Variants in ETFA observed in about 807,000 individuals in gnomAD.
ETFA encodes electron transfer flavoprotein subunit alpha, also known as electron transfer flavoprotein subunit alpha, mitochondrial.
In ETFA, 22 loss-of-function variants were observed where a neutral mutation model predicts 46.2. That is an observed-to-expected ratio of 0.48 (90% CI 0.34 to 0.68). ETFA has a LOEUF of 0.68. Among genes scored for constraint, ETFA ranks in the 30% least tolerant of loss-of-function variants. The pLI, the probability that ETFA is intolerant of heterozygous loss-of-function variation, is 0.01. For missense variants in ETFA, 345 were observed against 401.1 expected, an observed-to-expected ratio of 0.86 and a Z score of 1.19; for synonymous variants, 131 against 139.9, an observed-to-expected ratio of 0.94 and a Z score of 0.45.
chr15:76,302,733 G>C lies in ETFA; in HGVS notation c.40-6996C>G, dbSNP rs143162110. Among the ~76,000 whole-genome samples, 22 of 152,316 alleles carry C rather than the reference G, an allele frequency of 1.4e-4. No homozygotes were observed. In the East Asian group the frequency reaches 3.9e-3, roughly 27 times the overall value. ...ATTGTAACAAATGGACAACTCTGGT[G>C]CTGTATGTTGACAGTGGAGGAGGTT... is the stretch of plus-strand genomic sequence containing the variant. On this transcript the variant is annotated intron_variant, in intron 1 of 11. Transcript: ENST00000557943.
At chr15:76,292,013 T>C (rs538845021) in intron 4 of ETFA, among the ~76,000 whole-genome samples, 2 of 152,258 alleles carry the variant, frequency 1.3e-5, no homozygotes, top group East Asian at 3.9e-4. Flanking sequence ...TAAGGATGTC[T>C]TCAACCACCA....
In ETFA at chr15:76,216,173, T is replaced by G. The variant is rs1228081056; in HGVS notation, c.*386A>C. ...TTGATTAGGCTGGTGGAGACAATCATGTTTACAATCTTCCTAAAACATAGA... is the reference window on the plus strand; with the variant it reads ...TTGATTAGGCTGGTGGAGACAATCAGGTTTACAATCTTCCTAAAACATAGA... On this transcript the variant is annotated 3_prime_UTR_variant, in exon 12 of 12. Coordinates refer to ENST00000557943, the MANE Select transcript of ETFA (RefSeq NM_000126.4). 5.3e-6 allele frequency: 1 copy of G among 189,902 alleles called. No individual in the cohort carries two copies. The highest frequency in any genetic ancestry group is 5.8e-5 in the Admixed American group (1 of 17,104). 11.8% of individuals were successfully genotyped at this position (189,902 alleles called of 1,614,324 possible).
intron 9 of ETFA, among the ~76,000 whole-genome samples, chr15:76,264,221 C>T (rs2039447791): frequency 6.6e-6 from 1 of 152,118 alleles, no homozygotes; most frequent in African/African-American, 2.4e-5. Flanking sequence ...AGGTTAATAC[C>T]ATATGATTGG....
intron 1 of ETFA, among the ~76,000 whole-genome samples, chr15:76,301,225 C>A (rs768060824): frequency 1.3e-5 from 2 of 152,210 alleles, no homozygotes; most frequent in East Asian, 3.9e-4. Flanking sequence ...TTTGCTAGCA[C>A]CAACATGGTA....
intron 1 of ETFA, among the ~76,000 whole-genome samples, chr15:76,309,177 C>T (rs765983296): frequency 7.9e-5 from 12 of 152,146 alleles, no homozygotes; most frequent in East Asian, 3.8e-4. Flanking sequence ...AGGCTGGGCG[C>T]GGTGGCTCAC....
At chr15:76,244,579 T>C (rs1340015020) in intron 9 of ETFA, among the ~76,000 whole-genome samples, 1 of 152,142 alleles carries the variant, frequency 6.6e-6, no homozygotes, top group African/African-American at 2.4e-5. Flanking sequence ...CAACATTTTC[T>C]AGTAAAGTGT....
intron 10 of ETFA, among the ~76,000 whole-genome samples, chr15:76,229,293 T>C (rs939078421): frequency 1.1e-4 from 17 of 152,246 alleles, no homozygotes; most frequent in African/African-American, 4.1e-4. Context: ...ACAAGGGCTA[T>C]ATCTTTTTAA....
In ETFA at chr15:76,248,379, C is replaced by A. The variant is rs559719336; in HGVS notation, c.817-16981G>T. Among the ~76,000 whole-genome samples the A allele has an allele frequency of 5.9e-5, 9 of 152,048 alleles. No homozygotes were observed. In the East Asian group the frequency reaches 1.7e-3, roughly 29 times the overall value. Reference sequence around the variant, plus strand: ...CTCACTTCACATTAAACATAAAAATCAAATCAAGTAGATTATAATTATAAA... The same window carrying A: ...CTCACTTCACATTAAACATAAAAATAAAATCAAGTAGATTATAATTATAAA... On this transcript the variant is annotated intron_variant, in intron 9 of 11. Transcript: ENST00000557943.
intron 4 of ETFA, among the ~76,000 whole-genome samples, chr15:76,290,294 C>T (rs966419361): frequency 1.1e-4 from 16 of 141,912 alleles, no homozygotes; most frequent in African/African-American, 3.6e-4. Context: ...CTTATGCAGC[C>T]ATAAAAAAAG....
chr15:76,231,143 A>G, intron 10 of ETFA, 190 bp downstream of exon 10: 2 of 582,676 alleles, frequency 3.4e-6, no homozygotes, highest in Non-Finnish European at 6.1e-6. Flanking sequence ...TCTTTCCATG[A>G]CACAGCACTG....
intron 9 of ETFA, among the ~76,000 whole-genome samples, chr15:76,248,760 C>T (rs6495197): frequency 0.29 from 43,321 of 151,644 alleles, 6,607 homozygotes; most frequent in East Asian, 0.58. Context: ...ACCTGTAGTC[C>T]CAGCTACTCA....
At chr15:76,244,958 T>C (rs1274277042) in intron 9 of ETFA, among the ~76,000 whole-genome samples, 1 of 152,228 alleles carries the variant, frequency 6.6e-6, no homozygotes, top group African/African-American at 2.4e-5. Flanking sequence ...TTCACTGATA[T>C]TGGACCTCTG....
chr15:76,225,804 G>A (rs374988478), intron 11 of ETFA, 45 bp downstream of exon 11: 10 of 1,151,466 alleles, frequency 8.7e-6, no homozygotes, highest in African/African-American at 6.1e-5. Flanking sequence ...AGAGTTTCTC[G>A]GATGACAATC....
rs893926278 is a variant in ETFA at position 76,250,079 on chromosome 15, CTACT to C, written c.817-18685_817-18682del. Among the ~76,000 whole-genome samples, 18 of 151,890 alleles carry C rather than the reference CTACT, an allele frequency of 1.2e-4. No homozygotes were observed. The East Asian group carries it at 1.3e-3, about 11-fold the overall frequency. The stretch of plus-strand genomic sequence containing the variant: ...ATTATTTGTAAGCAAGAAATTATAA[CTACT>C]TAAATAAACAACCATTAATAAGAAA... On this transcript the variant is annotated intron_variant, in intron 9 of 11. Coordinates refer to ENST00000557943, the MANE Select transcript of ETFA (RefSeq NM_000126.4).
At chr15:76,253,077 C>A (rs2039316023) in intron 9 of ETFA, among the ~76,000 whole-genome samples, 1 of 152,070 alleles carries the variant, frequency 6.6e-6, no homozygotes, top group African/African-American at 2.4e-5. Context: ...CGGTGCTCAG[C>A]TGTACTGCTT....
chr15:76,262,551 C>T (rs190961291), intron 9 of ETFA, among the ~76,000 whole-genome samples: 7 of 137,582 alleles, frequency 5.1e-5, no homozygotes, highest in Non-Finnish European at 9.1e-5. Context: ...GGTGCAATCT[C>T]GGCTCACTGC....
chr15:76,301,969 G>A (rs148096821), intron 1 of ETFA, among the ~76,000 whole-genome samples: 13 of 152,260 alleles, frequency 8.5e-5, no homozygotes, highest in Non-Finnish European at 1.6e-4. Flanking sequence ...CTAGGAAATT[G>A]CAAATTAAAA....
At chr15:76,288,920 C>CTTTTTTTTTTTTTTTT (rs35295593) in intron 4 of ETFA, among the ~76,000 whole-genome samples, 4 of 110,120 alleles carry the variant, frequency 3.6e-5, no homozygotes, top group East Asian at 2.9e-4. Context: ...TCTTCTTCTT[C>CTTTTTTTTTTTTTTTT]TTTTTTTTTT....
chr15:76,262,367 G>A (rs958129642), intron 9 of ETFA, among the ~76,000 whole-genome samples: 3 of 150,624 alleles, frequency 2.0e-5, no homozygotes, highest in African/African-American at 7.3e-5. Context: ...AACATAAAAC[G>A]TCCCAAATGT....
Sources: gnomAD v4.1 joint callset for allele counts (sites outside exome capture counted in the v4.1 genomes callset) on GRCh38, gnomAD v4.1.1 for gene constraint, MANE v1.5 for transcripts, NCBI Gene and HGNC (gene_info 2026-07-23, HGNC 2026-07-21) for gene names.